FAM227A: variants seen among roughly 807,000 people sequenced by gnomAD.
FAM227A encodes the protein protein FAM227A.
Under a neutral mutation model 74.7 loss-of-function variants are expected in FAM227A, and 80 were observed. The ratio of observed to expected loss-of-function variants is 1.07; its 90% CI spans 0.89 to 1.29. FAM227A has a LOEUF of 1.29. FAM227A is among the 50% of genes most tolerant of loss of function. The pLI is 0.00. For synonymous variants in FAM227A, 237 were observed against 241.8 expected (o/e 0.98, Z 0.19); for missense variants, 654 against 683.4 (o/e 0.96, Z 0.48).
chr22:38,629,528 G>A (rs1316040112), intron 6 of FAM227A, among the ~76,000 whole-genome samples: 1 of 152,248 alleles, frequency 6.6e-6, no homozygotes, highest in Non-Finnish European at 1.5e-5. Flanking sequence ...CACAATCTAT[G>A]TGGTAGGTAG....
intron 9 of FAM227A, among the ~76,000 whole-genome samples, chr22:38,624,664 A>G (rs949019402): frequency 6.6e-6 from 1 of 152,222 alleles, no homozygotes; most frequent in Non-Finnish European, 1.5e-5. Context: ...GACGATCCCA[A>G]TGAAAACTTT....
intron 11 of FAM227A, among the ~76,000 whole-genome samples, chr22:38,617,849 A>G (rs755775612): frequency 6.6e-6 from 1 of 152,056 alleles, no homozygotes; most frequent in Non-Finnish European, 1.5e-5. Flanking sequence ...TCATGGTGAC[A>G]TGTTCCAGCT....
At chr22:38,618,950 A>AT (rs1184129353) in intron 11 of FAM227A, among the ~76,000 whole-genome samples, 11 of 125,210 alleles carry the variant, frequency 8.8e-5, no homozygotes, top group East Asian at 4.7e-4. Context: ...CTGCCCTGGG[A>AT]TTTTTTTTTC....
chr22:38,631,953 AGT>A (rs2091922606), intron 6 of FAM227A, among the ~76,000 whole-genome samples: 1 of 152,142 alleles, frequency 6.6e-6, no homozygotes, highest in South Asian at 2.1e-4. Context: ...GACAGTGGCC[AGT>A]GGGAAGGGGA....
intron 1 of FAM227A, chr22:38,653,691 C>T (rs529758087): frequency 6.6e-6 from 1 of 152,248 alleles, no homozygotes; most frequent in African/African-American, 2.4e-5. Context: ...GCTCTTGAAT[C>T]ATCCCAAAAC....
chr22:38,644,505 GCA>G (rs1285802300), intron 3 of FAM227A, among the ~76,000 whole-genome samples: 1 of 151,562 alleles, frequency 6.6e-6, no homozygotes, highest in Non-Finnish European at 1.5e-5. Flanking sequence ...AACAGGTGGA[GCA>G]CAGAGGACTG....
Position 38,581,564 on chromosome 22 carries a change from C to G in FAM227A, c.*4561G>C, listed in dbSNP as rs551556059. 3 of 152,160 alleles carry G rather than the reference C, an allele frequency of 2.0e-5. No individual in the cohort carries two copies. The highest frequency in any genetic ancestry group is 6.6e-5 in the Admixed American group (1 of 15,250). The allele number at this position is 152,160 out of a possible 1,614,324, so 9.4% of individuals were successfully genotyped here. ...AAGCAATTCTCCTGCCTCAGCCTTGCGAGTACCCGGGACTACAGGCAGCTG... is the reference window on the plus strand; with the variant it reads ...AAGCAATTCTCCTGCCTCAGCCTTGGGAGTACCCGGGACTACAGGCAGCTG... On this transcript the variant is annotated 3_prime_UTR_variant, in exon 17 of 17. Coordinates refer to ENST00000535113, the MANE Select transcript of FAM227A (RefSeq NM_001013647.2).
chr22:38,600,606 T>C (rs2091152598), intron 13 of FAM227A, among the ~76,000 whole-genome samples: 1 of 151,804 alleles, frequency 6.6e-6, no homozygotes, highest in African/African-American at 2.4e-5. Context: ...CCAAAGTGCT[T>C]GGATTATAGG....
intron 15 of FAM227A, 56 bp from the exon 16 acceptor site, chr22:38,591,596 C>T: frequency 7.9e-7 from 1 of 1,259,684 alleles, no homozygotes; most frequent in South Asian, 1.5e-5. Flanking sequence ...AACATGTCCT[C>T]AATGTTCTGT....
Position 38,636,439 on chromosome 22 carries a change from C to T in FAM227A, c.519+12G>A. 1.9e-6 allele frequency: 3 copies of T among 1,550,264 alleles called. No homozygotes were observed. Among genetic ancestry groups the T allele is most frequent in the Non-Finnish European group, 2.6e-6 (3 of 1,146,506 alleles). On this transcript the variant is annotated intron_variant, in intron 6 of 16. Transcript: ENST00000535113. The stretch of plus-strand genomic sequence containing the variant: ...GTTGGCAAACTCAGGGCAGGCACTG[C>T]TTTTTCCTCACCTTGCCACTAAGGC...
At chr22:38,636,720 G>C in intron 5 of FAM227A, 123 bp from the exon 6 acceptor site, 1 of 851,900 alleles carries the variant, frequency 1.2e-6, no homozygotes. Flanking sequence ...GAGAAAATGA[G>C]GGGTGTTTAG....
At chr22:38,645,226 C>T (rs1296797029) in intron 3 of FAM227A, among the ~76,000 whole-genome samples, 1 of 150,906 alleles carries the variant, frequency 6.6e-6, no homozygotes, top group African/African-American at 2.4e-5. Context: ...CCCGTCTCTA[C>T]TAAAAAATAC....
intron 5 of FAM227A, among the ~76,000 whole-genome samples, chr22:38,637,366 T>C (rs2092028317): frequency 6.6e-6 from 1 of 152,226 alleles, no homozygotes; most frequent in South Asian, 2.1e-4. Context: ...TCCCCTCCCT[T>C]TGGGGTTATT....
chr22:38,582,142 C>G lies in FAM227A; in HGVS notation c.*3983G>C. On this transcript the variant is annotated 3_prime_UTR_variant, in exon 17 of 17. Transcript: ENST00000535113. Reference sequence around the variant, plus strand: ...GGTGTGTATACACCCATGAGCCATTCACCACAATCAAGATAGTAGACATAT... The same window carrying G: ...GGTGTGTATACACCCATGAGCCATTGACCACAATCAAGATAGTAGACATAT... The G allele has an allele frequency of 1.7e-6, 1 of 589,168 alleles. No homozygotes were observed. The highest frequency in any genetic ancestry group is 3.0e-6 in the Non-Finnish European group (1 of 332,322). 36.5% of individuals were successfully genotyped at this position (589,168 alleles called of 1,614,324 possible).
chr22:38,633,485 AT>A (rs1233084451), intron 6 of FAM227A, among the ~76,000 whole-genome samples: 2 of 152,232 alleles, frequency 1.3e-5, no homozygotes, highest in Non-Finnish European at 2.9e-5. Context: ...GCACAACTCC[AT>A]GTGCTTCTTA....
rs773626228 is a variant in FAM227A, at chr22:38,582,681, G to A, written c.*3444C>T. ...CTTGGACTGTGCAACAAATGGTCCT[G>A]ACAGACAGAAATGCAGTTTGTCCTG... On this transcript the variant is annotated 3_prime_UTR_variant, in exon 17 of 17. Transcript: ENST00000535113. The A allele has an allele frequency of 2.3e-6, 2 of 876,672 alleles. No homozygotes were observed. The highest frequency in any genetic ancestry group is 3.4e-6 in the Non-Finnish European group (2 of 579,936). The allele number at this position is 876,672 out of a possible 1,614,324, so 54.3% of individuals were successfully genotyped here.
intron 11 of FAM227A, among the ~76,000 whole-genome samples, chr22:38,613,324 ATC>A (rs1316805733): frequency 5.3e-5 from 4 of 75,048 alleles, no homozygotes; most frequent in Admixed American, 2.4e-4. Flanking sequence ...TATAATATAT[ATC>A]ATATATAATA....
At chr22:38,602,934 C>T (rs1311842129) in intron 13 of FAM227A, among the ~76,000 whole-genome samples, 2 of 152,082 alleles carry the variant, frequency 1.3e-5, no homozygotes, top group Non-Finnish European at 2.9e-5. Flanking sequence ...AGTGCAGTGA[C>T]GCAATCTCTG....
At chr22:38,621,962 G>A (rs904585586) in intron 10 of FAM227A, among the ~76,000 whole-genome samples, 1 of 152,088 alleles carries the variant, frequency 6.6e-6, no homozygotes, top group Admixed American at 6.6e-5. Flanking sequence ...CAATTGTGTG[G>A]CCTGAGTTTC....
Sources: gnomAD v4.1 joint callset for allele counts (sites outside exome capture counted in the v4.1 genomes callset) on GRCh38, gnomAD v4.1.1 for gene constraint, MANE v1.5 for transcripts, NCBI Gene and HGNC (gene_info 2026-07-23, HGNC 2026-07-21) for gene names.